The following NR3C2 variants were observed in gnomAD, a reference collection of about 807,000 sequenced individuals.
NR3C2 encodes nuclear receptor subfamily 3 group C member 2, also known as mineralocorticoid receptor.
Under a neutral mutation model 86.4 loss-of-function variants are expected in NR3C2, and 15 were observed. The ratio of observed to expected loss-of-function variants is 0.17; its 90% CI spans 0.12 to 0.27. The LOEUF (loss-of-function observed/expected upper bound fraction) is 0.27. Among genes scored for constraint, NR3C2 ranks in the 10% least tolerant of loss-of-function variants. NR3C2 has a pLI of 1.00. For missense variants in NR3C2, 960 were observed against 1,195.6 expected (o/e 0.80, Z 2.91); for synonymous variants, 458 against 450.5 (o/e 1.02, Z -0.21).
chr4:148,318,071 T>C (rs917703820), intron 2 of NR3C2, among the ~76,000 whole-genome samples: 2 of 138,212 alleles, frequency 1.4e-5, no homozygotes, highest in African/African-American at 5.4e-5. Context: ...TTCCCCTTCC[T>C]GTGTCCATGT....
At chr4:148,094,935 G>A (rs1234907849) in intron 8 of NR3C2, among the ~76,000 whole-genome samples, 5 of 152,056 alleles carry the variant, frequency 3.3e-5, no homozygotes, top group Admixed American at 6.5e-5. Flanking sequence ...TAAGTGAAAT[G>A]AGCCAGATAA....
At chr4:148,360,597 C>A (rs1011377021) in intron 2 of NR3C2, among the ~76,000 whole-genome samples, 1 of 152,006 alleles carries the variant, frequency 6.6e-6, no homozygotes, top group Non-Finnish European at 1.5e-5. Context: ...TATAAGTATC[C>A]GACATATTAA....
chr4:148,104,377 C>T (rs189919950), intron 8 of NR3C2, among the ~76,000 whole-genome samples: 10 of 127,108 alleles, frequency 7.9e-5, no homozygotes, highest in East Asian at 7.0e-4. Context: ...AATTTATGTC[C>T]TCCCCTCTCC....
At chr4:148,143,097 A>T (rs1282268898) in intron 6 of NR3C2, among the ~76,000 whole-genome samples, 4 of 152,196 alleles carry the variant, frequency 2.6e-5, no homozygotes, top group Admixed American at 2.6e-4. Flanking sequence ...TCTGTACAGC[A>T]ATGCAAGAAC....
intron 2 of NR3C2, among the ~76,000 whole-genome samples, chr4:148,382,271 CA>C (rs1174353244): frequency 2.0e-5 from 3 of 152,204 alleles, no homozygotes; most frequent in African/African-American, 7.2e-5. Context: ...TTCATTCACT[CA>C]TTCAACATTT....
At chr4:148,314,337 ATTAT>A (rs1743054609) in intron 2 of NR3C2, among the ~76,000 whole-genome samples, 1 of 152,078 alleles carries the variant, frequency 6.6e-6, no homozygotes, top group Non-Finnish European at 1.5e-5. Flanking sequence ...GAAAAACATT[ATTAT>A]TTTTTTAGAT....
At chr4:148,329,334 G>GCA (rs1744112584) in intron 2 of NR3C2, among the ~76,000 whole-genome samples, 2 of 10,706 alleles carry the variant, frequency 1.9e-4, no homozygotes, top group Admixed American at 2.9e-3. Context: ...ATATACACAT[G>GCA]CATATATATA....
chr4:148,321,245 G>C (rs941476944), intron 2 of NR3C2, among the ~76,000 whole-genome samples: 3,124 of 139,924 alleles, frequency 0.022, 119 homozygotes, highest in African/African-American at 0.074. Flanking sequence ...CTGAGAGACA[G>C]TTTGTTATAA....
chr4:148,306,243 GT>G (rs1742614965), intron 2 of NR3C2, among the ~76,000 whole-genome samples: 1 of 152,154 alleles, frequency 6.6e-6, no homozygotes, highest in African/African-American at 2.4e-5. Flanking sequence ...GGTCTTAGAT[GT>G]ACCCCTTTTT....
chr4:148,106,564 T>C (rs555444985), intron 8 of NR3C2, among the ~76,000 whole-genome samples: 2 of 152,050 alleles, frequency 1.3e-5, no homozygotes, highest in Non-Finnish European at 2.9e-5. Flanking sequence ...AAGACAATAC[T>C]AAGAAAAAAG....
At chr4:148,152,744 T>C (rs1560948636) in intron 5 of NR3C2, 131 bp from the exon 6 acceptor site, 1 of 865,390 alleles carries the variant, frequency 1.2e-6, no homozygotes, top group African/African-American at 1.7e-5. Context: ...CTCAAATCAA[T>C]TCAACAGTCA....
At chr4:148,381,008 C>T (rs540457760) in intron 2 of NR3C2, among the ~76,000 whole-genome samples, 8 of 152,136 alleles carry the variant, frequency 5.3e-5, no homozygotes, top group Non-Finnish European at 1.2e-4. Flanking sequence ...GGGTGGAATG[C>T]TTGTGCTCAG....
intron 2 of NR3C2, among the ~76,000 whole-genome samples, chr4:148,284,904 T>TCTCATTTCATATA (rs1741437699): frequency 6.6e-6 from 1 of 152,200 alleles, no homozygotes; most frequent in South Asian, 2.1e-4. Context: ...TGGTCATTGT[T>TCTCATTTCATATA]CTCATTTCAT....
chr4:148,243,471 AG>A (rs1226350154), intron 3 of NR3C2, among the ~76,000 whole-genome samples: 1 of 152,194 alleles, frequency 6.6e-6, no homozygotes, highest in Non-Finnish European at 1.5e-5. Context: ...ACTTTTTAAA[AG>A]GCTTTCCAAT....
chr4:148,186,837 C>A (rs940221869), intron 4 of NR3C2, among the ~76,000 whole-genome samples: 13 of 151,098 alleles, frequency 8.6e-5, no homozygotes, highest in African/African-American at 3.2e-4. Context: ...TAGCTTAGCT[C>A]CCACATACCA....
chr4:148,148,994 C>G (rs1302820139), intron 6 of NR3C2, among the ~76,000 whole-genome samples: 1 of 152,234 alleles, frequency 6.6e-6, no homozygotes, highest in African/African-American at 2.4e-5. Flanking sequence ...AATACAGGGT[C>G]TATCATGGTA....
intron 3 of NR3C2, among the ~76,000 whole-genome samples, chr4:148,244,112 T>C (rs1335702132): frequency 6.6e-6 from 1 of 152,194 alleles, no homozygotes; most frequent in Non-Finnish European, 1.5e-5. Flanking sequence ...CAACAGATGG[T>C]GCCTATGATC....
intron 2 of NR3C2, among the ~76,000 whole-genome samples, chr4:148,289,479 A>T (rs995242018): frequency 6.6e-6 from 1 of 152,192 alleles, no homozygotes; most frequent in African/African-American, 2.4e-5. Context: ...GACACATTAA[A>T]ACTATACACA....
At chr4:148,208,396 G>A (rs1056551267) in intron 3 of NR3C2, 6 of 152,268 alleles carry the variant, frequency 3.9e-5, no homozygotes, top group African/African-American at 1.4e-4. Flanking sequence ...TCTGTGTTAA[G>A]TTACTTTTCT....
Sources: allele counts gnomAD v4.1 joint callset (sites outside exome capture counted in the v4.1 genomes callset), GRCh38; gene constraint gnomAD v4.1.1; transcripts MANE v1.5; gene names NCBI Gene and HGNC (gene_info 2026-07-23, HGNC 2026-07-21).